The following MUC5B variants were observed in gnomAD, a reference collection of about 807,000 sequenced individuals.
The protein encoded by MUC5B is mucin 5B, oligomeric mucus/gel-forming.
In MUC5B, 116 loss-of-function variants were observed where a neutral mutation model predicts 376.9. That is an observed-to-expected ratio of 0.31 (90% CI 0.26 to 0.36). The LOEUF (loss-of-function observed/expected upper bound fraction) is 0.36. Among genes scored for constraint, MUC5B ranks in the 10% least tolerant of loss-of-function variants. The pLI, the probability that MUC5B is intolerant of heterozygous loss-of-function variation, is 1.00. For missense variants in MUC5B, 7,165 were observed against 7,769.9 expected, an observed-to-expected ratio of 0.92 and a Z score of 2.93; for synonymous variants, 3,517 against 3,390.9, an observed-to-expected ratio of 1.04 and a Z score of -1.29.
In MUC5B at chr11:1,238,862, C is replaced by T; in HGVS notation, c.3298-9C>T. 1 of 1,549,778 alleles carries T rather than the reference C, an allele frequency of 6.5e-7. No homozygotes were observed. The highest frequency in any genetic ancestry group is 1.2e-5 in the South Asian group (1 of 84,190). Reference sequence around the variant, plus strand: ...TCCCGGCTGAGCTGCACCTTGGCCTCACCCGCAGGTTGACTCCACCAAGTA... The same window carrying T: ...TCCCGGCTGAGCTGCACCTTGGCCTTACCCGCAGGTTGACTCCACCAAGTA... On this transcript the variant is annotated splice_polypyrimidine_tract_variant and intron_variant, in intron 25 of 48. Coordinates refer to ENST00000529681, the MANE Select transcript of MUC5B (RefSeq NM_002458.3).
chr11:1,252,032 C>T (rs1428906537), intron 31 of MUC5B, among the ~76,000 whole-genome samples: 1 of 152,022 alleles, frequency 6.6e-6, no homozygotes, highest in Non-Finnish European at 1.5e-5. Context: ...CACAATCCAT[C>T]CCCACTGGCC....
chr11:1,233,432 C>T (rs571272590), intron 18 of MUC5B, among the ~76,000 whole-genome samples, 164 bp downstream of exon 18: 2 of 151,970 alleles, frequency 1.3e-5, no homozygotes, highest in Admixed American at 6.5e-5. Context: ...AGAAAATTCC[C>T]AGCTGGGAAA....
rs1862870163 is a variant in MUC5B, at chr11:1,257,454, G to A, written c.16270-76G>A. On this transcript the variant is annotated intron_variant, in intron 40 of 48. Transcript: ENST00000529681. This position sits in a 1 kb window ranked among gnomAD's most constrained non-coding sequence, Gnocchi z 8.9. ...CCACTCGGGTACCAGCCCGAGGGAG[G>A]GGGTGGCTGGACAGATGCCCAGGGT... 8.4e-6 allele frequency: 13 copies of A among 1,542,176 alleles called. No homozygotes were observed. The highest frequency in any genetic ancestry group is 1.1e-5 in the Non-Finnish European group (13 of 1,132,238).
rs758236048 is a variant in MUC5B, at chr11:1,251,256, G to A, written c.14376G>A (p.Val4792=). 2 of 1,611,060 alleles carry A rather than the reference G, an allele frequency of 1.2e-6. No individual in the cohort carries two copies. The highest frequency in any genetic ancestry group is 2.2e-5 in the South Asian group (2 of 91,016). ...STPETTHTST[V]LTTTATMTRA... is the part of the protein sequence containing the mutation. Reference sequence around the variant, plus strand: ...CAGAGACCACCCACACCTCCACAGTGCTGACCACCACAGCCACCATGACAA... The same window carrying A: ...CAGAGACCACCCACACCTCCACAGTACTGACCACCACAGCCACCATGACAA... The change falls in exon 31 of 49, where the codon GTG becomes GTA. Residue 4792 remains valine (V), a synonymous_variant. Transcript: ENST00000529681.
In MUC5B at chr11:1,230,197, G is replaced by A. The variant is rs1861991761; in HGVS notation, c.1359+54G>A. On this transcript the variant is annotated intron_variant, in intron 11 of 48. Coordinates refer to ENST00000529681, the MANE Select transcript of MUC5B (RefSeq NM_002458.3). Reference sequence around the variant, plus strand: ...ACCCAGACCCTCCTGGGACCCTCATGCCACTTCCACCCAGGGGAGGCCCCC... The same window carrying A: ...ACCCAGACCCTCCTGGGACCCTCATACCACTTCCACCCAGGGGAGGCCCCC... 3 of 1,534,378 alleles carry A rather than the reference G, an allele frequency of 2.0e-6. No homozygotes were observed. The South Asian group carries it at 3.8e-5, about 20-fold the overall frequency.
At chr11:1,231,675 C>T (rs550714665) in intron 14 of MUC5B, 115 bp downstream of exon 14, 188 of 1,305,768 alleles carry the variant, frequency 1.4e-4, no homozygotes, top group Non-Finnish European at 1.9e-4. Flanking sequence ...AGGGGGCTGC[C>T]CCCAGGGCAT....
intron 39 of MUC5B, 148 bp downstream of exon 39, chr11:1,256,919 GC>G (rs1862854333): frequency 3.0e-6 from 2 of 659,160 alleles, no homozygotes; most frequent in East Asian, 2.8e-5. Flanking sequence ...GCATGGGATG[GC>G]CCCAGAGTGG....
chr11:1,236,353 G>T (rs56396424), intron 23 of MUC5B, 33 bp from the exon 24 acceptor site: 2 of 1,581,250 alleles, frequency 1.3e-6, no homozygotes, highest in Admixed American at 3.4e-5. Context: ...GGGCCACAGG[G>T]TCGGCTTCCG....
Position 1,250,331 on chromosome 11 carries a change from C to G in MUC5B, c.13451C>G (p.Thr4484Arg), listed in dbSNP as rs367887460. 4 of 1,613,468 alleles carry G rather than the reference C, an allele frequency of 2.5e-6. No individual in the cohort carries two copies. The highest frequency in any genetic ancestry group is 3.4e-6 in the Non-Finnish European group (4 of 1,179,718). Reference sequence around the variant, plus strand: ...GCTGGCACCCCACATGTGAGCACCACGGCCACGACACCCACAGTCACCAGC... The same window carrying G: ...GCTGGCACCCCACATGTGAGCACCAGGGCCACGACACCCACAGTCACCAGC... ...ATAGTPHVST[T>R]ATTPTVTSSK... The change falls in exon 31 of 49, where the codon ACG (threonine) becomes AGG (arginine). Residue 4484 changes from threonine to arginine, a missense_variant. Thr to Arg is a moderately conservative substitution (Grantham distance 71, BLOSUM62 -1). Coordinates refer to ENST00000529681, the MANE Select transcript of MUC5B (RefSeq NM_002458.3).
rs1159560403 is a variant in MUC5B, at chr11:1,250,313, C to G, written c.13433C>G (p.Thr4478Ser). 6.2e-7 allele frequency: 1 copy of G among 1,612,790 alleles called. No individual in the cohort carries two copies. The highest frequency in any genetic ancestry group is 1.3e-5 in the African/African-American group (1 of 74,702). Residue 4478 changes from threonine (T) to serine (S), a missense_variant, in exon 31 of 49, where the codon ACC (threonine) becomes AGC (serine). This residue lies in a region of MUC5B where 431 missense variants were observed against 390.4 expected (regional missense o/e 1.10). Transcript: ENST00000529681. ...TASSTQATAG[T>S]PHVSTTATTP... ...TCCTCCACCCAGGCAACTGCTGGCA[C>G]CCCACATGTGAGCACCACGGCCACG...
At position 1,261,483 on chromosome 11, in the gene MUC5B, G is replaced by A. The variant is rs775860330; in HGVS notation, c.17164G>A (p.Gly5722Ser). 9 of 1,580,148 alleles carry A rather than the reference G, an allele frequency of 5.7e-6. No homozygotes were observed. The highest frequency in any genetic ancestry group is 1.2e-5 in the South Asian group (1 of 86,210). Residue 5722 changes from glycine to serine, a missense_variant, in exon 49 of 49, where the codon GGC (glycine) becomes AGC (serine). Gly to Ser is a moderately conservative substitution (Grantham distance 56). Around this residue, in one of 31 missense-constraint regions of MUC5B, gnomAD observed 842 missense variants for 1,016.9 expected, o/e 0.83. Coordinates refer to ENST00000529681, the MANE Select transcript of MUC5B (RefSeq NM_002458.3). The part of the protein sequence containing the change: ...EETVPLHCPN[G>S]SAILHTYTHV... ...GACGGTGCCCTTGCACTGTCCTAAC[G>A]GCTCAGCCATCCTGCACACCTACAC...
intron 7 of MUC5B, among the ~76,000 whole-genome samples, chr11:1,228,276 C>T (rs1426532655): frequency 6.6e-6 from 1 of 152,238 alleles, no homozygotes; most frequent in African/African-American, 2.4e-5. Context: ...GCGGGGCCTC[C>T]ACCTCCCCTC....
In MUC5B at chr11:1,232,737, G is replaced by A. The variant is rs545191748; in HGVS notation, c.2032G>A (p.Val678Ile). 8.5e-5 allele frequency: 136 copies of A among 1,600,358 alleles called. 1 individual carries two copies. The highest frequency in any genetic ancestry group is 2.0e-4 in the East Asian group (9 of 44,422). ...SYVHACAAKG[V>I]QLSDWRDGVC... ...TGTGCACGCCTGTGCCGCCAAGGGC[G>A]TACAGCTCAGCGACTGGAGGGACGG... Residue 678 changes from valine to isoleucine, a missense_variant, in exon 17 of 49, where the codon GTA (valine) becomes ATA (isoleucine). Around this residue, in one of 31 missense-constraint regions of MUC5B, gnomAD observed 530 missense variants for 604.0 expected, o/e 0.88. Transcript: ENST00000529681.
chr11:1,235,440 C>G, intron 23 of MUC5B, 27 bp downstream of exon 23: 1 of 1,587,400 alleles, frequency 6.3e-7, no homozygotes, highest in South Asian at 1.1e-5. Context: ...CTGTGAGCAC[C>G]CCCGACCCTG....
chr11:1,236,470 A>C lies in MUC5B; in HGVS notation c.2965A>C (p.Met989Leu). The C allele has an allele frequency of 6.2e-7, 1 of 1,612,988 alleles. No individual in the cohort carries two copies. The highest frequency in any genetic ancestry group is 8.5e-7 in the Non-Finnish European group (1 of 1,179,752). The change falls in exon 24 of 49, where the codon ATG becomes CTG. Residue 989 changes from methionine (M) to leucine (L), a missense_variant. Coordinates refer to ENST00000529681, the MANE Select transcript of MUC5B (RefSeq NM_002458.3). ...GGDPPYKIRY[M>L]GIFLVIETHG... ...GGACCCACCCTACAAGATACGCTAC[A>C]TGGGGATCTTCCTGGTCATCGAGAC...
Position 1,227,403 on chromosome 11 carries a change from G to A in MUC5B, c.667+5G>A, listed in dbSNP as rs1358047674. 1.2e-6 allele frequency: 2 copies of A among 1,604,564 alleles called. No homozygotes were observed. ...TCAACGAGTTCTATGCCCACAGTGA[G>A]TGCCACCTGGGTGAGGGGGCGGTGA... On this transcript the variant is annotated splice_donor_5th_base_variant and intron_variant, in intron 6 of 48. Transcript: ENST00000529681.
rs777515850 is a variant in MUC5B at position 1,251,705 on chromosome 11, C to T, written c.14825C>T (p.Pro4942Leu). 16 of 1,610,604 alleles carry T rather than the reference C, an allele frequency of 9.9e-6. No homozygotes were observed. In the East Asian group the frequency reaches 3.1e-4, roughly 31 times the overall value. The change falls in exon 31 of 49, where the codon CCC becomes CTC. Residue 4942 changes from proline (P) to leucine (L), a missense_variant. Pro to Leu is a moderately conservative substitution (Grantham distance 98, BLOSUM62 -3). Coordinates refer to ENST00000529681, the MANE Select transcript of MUC5B (RefSeq NM_002458.3). Reference protein sequence around the residue: ...TGFPSSHFSTPCFCRAFGQFF... With the variant: ...TGFPSSHFSTLCFCRAFGQFF... ...TTCCCCAGCTCCCACTTCTCTACTC[C>T]CTGCTTCTGCAGGGCATTTGGACAG...
At position 1,255,078 on chromosome 11, in the gene MUC5B, G is replaced by A. The variant is rs1455366179; in HGVS notation, c.15702G>A (p.Gln5234=). ...ACAACCAGAGGGACGACTGTCTCCAGCGGGACGGAACCACTGCCGCCAGTT... is the reference window on the plus strand; with the variant it reads ...ACAACCAGAGGGACGACTGTCTCCAACGGGACGGAACCACTGCCGCCAGTT... ...CTNNQRDDCL[Q]RDGTTAASCK... is the part of the protein sequence containing the mutation. The change falls in exon 36 of 49, where the codon CAG becomes CAA. Residue 5234 remains glutamine (Q), a synonymous_variant. Coordinates refer to ENST00000529681, the MANE Select transcript of MUC5B (RefSeq NM_002458.3). 10 of 1,595,334 alleles carry A rather than the reference G, an allele frequency of 6.3e-6. No homozygotes were observed. Among genetic ancestry groups the A allele is most frequent in the Non-Finnish European group, 8.5e-6 (10 of 1,171,998 alleles).
In MUC5B at chr11:1,260,643, A is replaced by G. The variant is rs112754512; in HGVS notation, c.16984A>G (p.Ile5662Val). 1,067 of 1,612,536 alleles carry G rather than the reference A, an allele frequency of 6.6e-4. 15 individuals carry two copies. In the African/African-American group the frequency reaches 0.013, roughly 19 times the overall value. Residue 5662 changes from isoleucine to valine, a missense_variant, in exon 48 of 49, where the codon ATC becomes GTC. Physicochemically the swap from Ile to Val is conservative, Grantham distance 29. Transcript: ENST00000529681. ...SCEEDSCQVR[I>V]NTTILWHQGC... ...CCTCCCAGACTCCTGTCAAGTCCGC[A>G]TCAACACGACCATCCTGTGGCACCA... is the stretch of plus-strand genomic sequence containing the variant.
Sources: gnomAD v4.1 joint callset for allele counts (sites outside exome capture counted in the v4.1 genomes callset) on GRCh38, gnomAD v4.1.1 for gene constraint, gnomAD v4.1.1 regional missense constraint, Gnocchi (gnomAD v3.1) non-coding constraint, MANE v1.5 for transcripts, NCBI Gene and HGNC (gene_info 2026-07-23, HGNC 2026-07-21) for gene names.